ENSA: variants seen among roughly 807,000 people sequenced by gnomAD.
The protein encoded by ENSA is endosulfine alpha.
A neutral mutation model predicts 16.8 loss-of-function variants in ENSA; 7 were observed. That is an observed-to-expected ratio of 0.42 (90% CI 0.24 to 0.78). The LOEUF (loss-of-function observed/expected upper bound fraction) is 0.78. Ranked by LOEUF, ENSA falls within the 30% of genes least tolerant of loss-of-function variation. The pLI, the probability that ENSA is intolerant of heterozygous loss-of-function variation, is 0.29. For missense variants in ENSA, 87 were observed against 142.3 expected, an observed-to-expected ratio of 0.61 and a Z score of 1.98; for synonymous variants, 58 against 53.4, an observed-to-expected ratio of 1.09 and a Z score of -0.37.
At chr1:150,626,035 G>C (rs961623541) in intron 2 of ENSA, among the ~76,000 whole-genome samples, 5 of 152,190 alleles carry the variant, frequency 3.3e-5, no homozygotes, top group African/African-American at 9.7e-5. Context: ...TTCCCAGCTA[G>C]AGTATATAGT....
intron 1 of ENSA, 84 bp from the exon 2 acceptor site, chr1:150,627,676 TCTC>T: frequency 2.1e-6 from 3 of 1,434,512 alleles, no homozygotes; most frequent in African/African-American, 1.4e-5. Context: ...ACTATCAACT[TCTC>T]CTGGAAATCC....
rs367689257 is a variant in ENSA, at chr1:150,625,631, G to T, written c.350+11C>A. On this transcript the variant is annotated intron_variant, in intron 3 of 3. Coordinates refer to ENST00000369014, the MANE Select transcript of ENSA (RefSeq NM_004436.4). ...GGTTGAGGAAGGGGAGGAGAGGGGG[G>T]CTCAGGTTACCCCGCAAGCTTGCTG... 5.0e-6 allele frequency: 8 copies of T among 1,587,396 alleles called. No homozygotes were observed. Among genetic ancestry groups the T allele is most frequent in the Admixed American group, 3.5e-5 (2 of 56,772 alleles).
Position 150,629,181 on chromosome 1 carries a change from T to G in ENSA, c.57+233A>C, listed in dbSNP as rs369597675. 38 of 1,612,286 alleles carry G rather than the reference T, an allele frequency of 2.4e-5. No individual in the cohort carries two copies. The African/African-American group carries it at 2.7e-4, about 11-fold the overall frequency. On this transcript the variant is annotated intron_variant, in intron 1 of 3. Transcript: ENST00000369014. ...GCCAATTATAGCACAGCGTCCAAGG[T>G]TTGAGCGGTAGGCCTATTGGCCAAT...
intron 3 of ENSA, chr1:150,623,919 GA>G: frequency 2.0e-6 from 2 of 985,460 alleles, no homozygotes; most frequent in Non-Finnish European, 2.4e-6. Flanking sequence ...CCAGTCAGGA[GA>G]AAGGCATATA....
chr1:150,629,214 A>C (rs1464059861), intron 1 of ENSA, 200 bp downstream of exon 1: 6 of 1,579,238 alleles, frequency 3.8e-6, no homozygotes, highest in Non-Finnish European at 5.2e-6. Context: ...AATCAGGAAG[A>C]GTACAGTACT....
intron 1 of ENSA, among the ~76,000 whole-genome samples, chr1:150,628,107 G>T (rs1436942228): frequency 6.6e-6 from 1 of 152,110 alleles, no homozygotes. Flanking sequence ...TACCCGCCTG[G>T]GCAATATGTT....
At chr1:150,625,223 T>C in intron 3 of ENSA, 1 of 988,328 alleles carries the variant, frequency 1.0e-6, no homozygotes. Flanking sequence ...ACAGAAAACA[T>C]GTCTCATTCA....
At chr1:150,624,492 G>A (rs1281757964) in intron 3 of ENSA, 1 of 985,806 alleles carries the variant, frequency 1.0e-6, no homozygotes, top group African/African-American at 1.7e-5. Context: ...TGCCAGAGAA[G>A]CTTTTTAGCA....
intron 1 of ENSA, chr1:150,628,989 A>T: frequency 6.5e-7 from 1 of 1,530,108 alleles, no homozygotes; most frequent in Admixed American, 1.8e-5. Context: ...TTTTTTTTTA[A>T]ACGTCTTTAC....
chr1:150,626,843 C>CA (rs1649364704), intron 2 of ENSA, among the ~76,000 whole-genome samples: 1 of 152,122 alleles, frequency 6.6e-6, no homozygotes, highest in African/African-American at 2.4e-5. Context: ...TGCGCCTGGC[C>CA]AAATTTTTTT....
chr1:150,621,367 G>C (rs587714535), downstream of ENSA: 4 of 152,378 alleles, frequency 2.6e-5, no homozygotes, highest in African/African-American at 9.6e-5. Context: ...TCTGCCTCCT[G>C]GGTTCAAGCG....
intron 2 of ENSA, among the ~76,000 whole-genome samples, chr1:150,626,290 A>G (rs1649303932): frequency 6.6e-6 from 1 of 152,244 alleles, no homozygotes; most frequent in South Asian, 2.1e-4. Context: ...CCAGGAATAG[A>G]AACTGGGCCT....
At position 150,629,589 on chromosome 1, in the gene ENSA, G is replaced by A; in HGVS notation, c.-119C>T. The A allele has an allele frequency of 7.6e-7, 1 of 1,320,778 alleles. No homozygotes were observed. The highest frequency in any genetic ancestry group is 1.0e-6 in the Non-Finnish European group (1 of 958,668). The allele number at this position is 1,320,778 out of a possible 1,614,324, so 81.8% of individuals were successfully genotyped here. On this transcript the variant is annotated 5_prime_UTR_variant, in exon 1 of 4. Transcript: ENST00000369014. ...CGGCTCCTGTCACTAGGGTTGCTCA[G>A]TCAAAATGGCGGCCCTTGCCCGTGA...
Position 150,622,880 on chromosome 1 carries a change from A to G in ENSA, c.351-21T>C, listed in dbSNP as rs76951202. ...GGCCACTGCGGACGAACACAGAAGA[A>G]AAAAAAAAAAAACAACACTGTCAAG... On this transcript the variant is annotated intron_variant, in intron 3 of 3. Coordinates refer to ENST00000369014, the MANE Select transcript of ENSA (RefSeq NM_004436.4). 5 of 1,448,590 alleles carry G rather than the reference A, an allele frequency of 3.5e-6. No individual in the cohort carries two copies. In the Admixed American group the frequency reaches 6.4e-5, roughly 19 times the overall value. The allele number at this position is 1,448,590 out of a possible 1,614,324, so 89.7% of individuals were successfully genotyped here. A position where few individuals can be genotyped will look rare whatever the true frequency, so the allele number is the denominator to read the frequency against.
chr1:150,626,430 G>A, intron 2 of ENSA: 2 of 1,568,240 alleles, frequency 1.3e-6, no homozygotes, highest in African/African-American at 1.4e-5. Flanking sequence ...ATTATCATCT[G>A]TGACTAAGAC....
Position 150,622,856 on chromosome 1 carries a change from G to C in ENSA, c.354C>G (p.Gly118=), listed in dbSNP as rs1369084910. 1 of 1,546,160 alleles carries C rather than the reference G, an allele frequency of 6.5e-7. No individual in the cohort carries two copies. Among genetic ancestry groups the C allele is most frequent in the African/African-American group, 1.4e-5 (1 of 72,274 alleles). ...SSLVTSKLAG[G]QVE ...GCCCCGGGCAGCATCATTCAACTTG[G>C]CCACTGCGGACGAACACAGAAGAAA... The change falls in exon 4 of 4, where the codon GGC becomes GGG. Residue 118 remains glycine, a synonymous_variant. Transcript: ENST00000369014.
Position 150,627,499 on chromosome 1 carries a change from A to G in ENSA, c.151T>C (p.Ser51Pro), listed in dbSNP as rs761016976. 3.1e-6 allele frequency: 5 copies of G among 1,614,202 alleles called. No homozygotes were observed. Among genetic ancestry groups the G allele is most frequent in the Non-Finnish European group, 4.2e-6 (5 of 1,180,042 alleles). Residue 51 changes from serine to proline, a missense_variant, in exon 2 of 4, where the codon TCC becomes CCC. Physicochemically the swap from Ser to Pro is moderately conservative, Grantham distance 74. Transcript: ENST00000369014. ...YPSLGQKPGG[S>P]DFLMKRLQKG... ...TGGAGTCTCTTCATGAGGAAGTCGG[A>G]GCCTCCAGGCTTTTGTCCTAGGCTT...
At chr1:150,627,235 A>G in intron 2 of ENSA, 1 of 1,516,210 alleles carries the variant, frequency 6.6e-7, no homozygotes, top group Non-Finnish European at 8.8e-7. Context: ...TTCCCCACAC[A>G]CCCAAATGCT....
At chr1:150,629,063 C>G in intron 1 of ENSA, 1 of 1,614,158 alleles carries the variant, frequency 6.2e-7, no homozygotes, top group East Asian at 2.2e-5. Context: ...TCACTTACCT[C>G]TACAAACCAA....
Sources: allele counts gnomAD v4.1 joint callset (sites outside exome capture counted in the v4.1 genomes callset), GRCh38; gene constraint gnomAD v4.1.1; transcripts MANE v1.5; gene names NCBI Gene and HGNC (gene_info 2026-07-23, HGNC 2026-07-21).